Variants in TP63 observed in about 807,000 individuals in gnomAD.
The protein encoded by TP63 is tumor protein 63.
Under a neutral mutation model 82.8 loss-of-function variants are expected in TP63, and 17 were observed. The ratio of observed to expected loss-of-function variants is 0.21; its 90% CI spans 0.14 to 0.31. The LOEUF is 0.31. Ranked by LOEUF, TP63 falls within the 10% of genes least tolerant of loss-of-function variation. The pLI is 1.00. For missense variants in TP63, 648 were observed against 895.3 expected (o/e 0.72, Z 3.52); for synonymous variants, 330 against 321.7 (o/e 1.03, Z -0.28).
chr3:189,737,519 A>G (rs369873226), intron 1 of TP63, among the ~76,000 whole-genome samples: 1 of 152,152 alleles, frequency 6.6e-6, no homozygotes, highest in Non-Finnish European at 1.5e-5. Flanking sequence ...AGAAGACAAG[A>G]TTGTCTAGCA....
intron 3 of TP63, among the ~76,000 whole-genome samples, chr3:189,758,038 G>A (rs1236483413): frequency 2.0e-5 from 3 of 152,128 alleles, no homozygotes; most frequent in Non-Finnish European, 4.4e-5. Flanking sequence ...TCAAGCAGGG[G>A]TCCTCAATCT....
intron 1 of TP63, among the ~76,000 whole-genome samples, chr3:189,723,996 G>C (rs1249794526): frequency 7.1e-6 from 1 of 141,318 alleles, no homozygotes; most frequent in Admixed American, 7.5e-5. Context: ...TTTTGTTTTT[G>C]TGCCTGGCTT....
intron 4 of TP63, among the ~76,000 whole-genome samples, chr3:189,812,456 C>G (rs1256401225): frequency 6.6e-6 from 1 of 152,184 alleles, no homozygotes; most frequent in African/African-American, 2.4e-5. Flanking sequence ...AGAGGCCTAT[C>G]ATTTAATATA....
chr3:189,721,732 G>T (rs951652299), intron 1 of TP63, among the ~76,000 whole-genome samples: 1 of 152,082 alleles, frequency 6.6e-6, no homozygotes, highest in African/African-American at 2.4e-5. Context: ...ATTTCGATTT[G>T]CTTATCCTCG....
chr3:189,657,388 G>A (rs1367091462), intron 1 of TP63, among the ~76,000 whole-genome samples: 2 of 152,016 alleles, frequency 1.3e-5, no homozygotes, highest in African/African-American at 4.8e-5. Flanking sequence ...GCAGAATGGG[G>A]TAAAACAGTT....
chr3:189,775,047 C>T (rs937778236), intron 3 of TP63, among the ~76,000 whole-genome samples: 9 of 151,886 alleles, frequency 5.9e-5, no homozygotes, highest in South Asian at 2.1e-4. Flanking sequence ...AGTGAAACCT[C>T]GTCTCTACTA....
chr3:189,632,179 T>G (rs1231824214), intron 1 of TP63, among the ~76,000 whole-genome samples: 2 of 152,178 alleles, frequency 1.3e-5, no homozygotes, highest in Admixed American at 6.6e-5. Flanking sequence ...GTGCTTCAAA[T>G]TAGACTTTGC....
At chr3:189,886,638 G>A (rs1720474924) in intron 11 of TP63, 87 bp downstream of exon 11, 1 of 1,573,036 alleles carries the variant, frequency 6.4e-7, no homozygotes, top group Non-Finnish European at 8.6e-7. Context: ...ATGTTCTTAA[G>A]CTAAATGAGA....
chr3:189,675,616 T>A (rs561698026), intron 1 of TP63, among the ~76,000 whole-genome samples: 1 of 152,128 alleles, frequency 6.6e-6, no homozygotes, highest in Admixed American at 6.6e-5. Context: ...ACTCAGTCTT[T>A]ATCCACATCA....
At chr3:189,755,510 T>A (rs949232269) in intron 3 of TP63, among the ~76,000 whole-genome samples, 2 of 152,154 alleles carry the variant, frequency 1.3e-5, no homozygotes, top group African/African-American at 4.8e-5. Flanking sequence ...AACATTTTAT[T>A]TACTAATCTT....
chr3:189,808,364 G>T lies in TP63; in HGVS notation c.417G>T (p.Ala139=). Residue 139 remains alanine, a synonymous_variant, in exon 4 of 14, where the codon GCG becomes GCT. Coordinates refer to ENST00000264731, the MANE Select transcript of TP63 (RefSeq NM_003722.5). ...CCAGTCCCTATAACACAGACCACGC[G>T]CAGAACAGCGTCACGGCGCCCTCGC... The part of the protein sequence containing the change: ...SSTSPYNTDH[A]QNSVTAPSPY... 1 of 1,614,134 alleles carries T rather than the reference G, an allele frequency of 6.2e-7. No homozygotes were observed. The highest frequency in any genetic ancestry group is 8.5e-7 in the Non-Finnish European group (1 of 1,180,030).
At chr3:189,703,692 C>T (rs984740328) in intron 1 of TP63, among the ~76,000 whole-genome samples, 4 of 152,154 alleles carry the variant, frequency 2.6e-5, no homozygotes, top group African/African-American at 9.7e-5. Flanking sequence ...ACTAACACCC[C>T]ATATTTTGGT....
At chr3:189,623,857 G>A in the TP63 span, among the ~76,000 whole-genome samples, 2 of 43,788 alleles carry the variant, frequency 4.6e-5, no homozygotes, top group Non-Finnish European at 1.0e-4. Flanking sequence ...TATGTATTAT[G>A]TTTCCTTTTA....
chr3:189,645,501 T>G (rs1712341966), intron 1 of TP63: 1 of 196,428 alleles, frequency 5.1e-6, no homozygotes, highest in East Asian at 1.0e-4. Flanking sequence ...GTTTTTTAAT[T>G]TTTTTATTAT....
At chr3:189,661,592 T>C (rs1276338919) in intron 1 of TP63, among the ~76,000 whole-genome samples, 1 of 152,120 alleles carries the variant, frequency 6.6e-6, no homozygotes, top group Non-Finnish European at 1.5e-5. Context: ...CTTCATAGAA[T>C]TAGTTAGGGA....
chr3:189,864,441 A>G, intron 5 of TP63, 23 bp downstream of exon 5: 1 of 1,607,344 alleles, frequency 6.2e-7, no homozygotes, highest in Non-Finnish European at 8.5e-7. Context: ...TGAATCTCTA[A>G]CTGTTCAACC....
rs187025653 is a variant in TP63 at position 189,818,986 on chromosome 3, T to C, written c.579+10460T>C. ...CAATTCAAGTTTATCACCTTTCTTATAACCTTTCTATACAAAACCATGGAT... is the reference window on the plus strand; with the variant it reads ...CAATTCAAGTTTATCACCTTTCTTACAACCTTTCTATACAAAACCATGGAT... On this transcript the variant is annotated intron_variant, in intron 4 of 13. Coordinates refer to ENST00000264731, the MANE Select transcript of TP63 (RefSeq NM_003722.5). Among the ~76,000 whole-genome samples, 14 of 152,328 alleles carry C rather than the reference T, an allele frequency of 9.2e-5. No individual in the cohort carries two copies. In the East Asian group the frequency reaches 1.9e-3, roughly 21 times the overall value.
chr3:189,748,097 G>T (rs1037872384), intron 3 of TP63, among the ~76,000 whole-genome samples: 11 of 151,986 alleles, frequency 7.2e-5, no homozygotes, highest in African/African-American at 2.7e-4. Flanking sequence ...ACATCACACT[G>T]AATGGGGAGA....
chr3:189,853,134 G>A (rs1413700156), intron 4 of TP63, among the ~76,000 whole-genome samples: 3 of 152,126 alleles, frequency 2.0e-5, no homozygotes, highest in African/African-American at 7.2e-5. Flanking sequence ...GCTGGTCTAA[G>A]CCACTCTCAT....
Sources: allele counts gnomAD v4.1 joint callset (sites outside exome capture counted in the v4.1 genomes callset), GRCh38; gene constraint gnomAD v4.1.1; transcripts MANE v1.5; gene names NCBI Gene and HGNC (gene_info 2026-07-23, HGNC 2026-07-21).